Variants in TTLL8 observed in about 807,000 individuals in gnomAD.
The protein encoded by TTLL8 is tubulin tyrosine ligase like 8.
A neutral mutation model predicts 77.8 loss-of-function variants in TTLL8; 65 were observed. The ratio of observed to expected loss-of-function variants is 0.84; its 90% CI spans 0.68 to 1.03. The LOEUF (loss-of-function observed/expected upper bound fraction) is 1.03, where lower values mean the gene tolerates loss of function less well. Among genes scored for constraint, TTLL8 ranks in the 50% least tolerant of loss-of-function variants. TTLL8 has a pLI of 0.00. For missense variants in TTLL8, 910 were observed against 1,004.5 expected (o/e 0.91, Z 1.27); for synonymous variants, 402 against 422.8 (o/e 0.95, Z 0.60).
rs538727439 is a variant in TTLL8 at position 50,029,480 on chromosome 22, G to A, written c.2203+950C>T. Among the ~76,000 whole-genome samples, 185 of 150,476 alleles carry A rather than the reference G, an allele frequency of 1.2e-3. 1 individual carries two copies. The highest frequency in any genetic ancestry group is 6.5e-3 in the South Asian group (30 of 4,598). On this transcript the variant is annotated intron_variant, in intron 12 of 13. Transcript: ENST00000266182. ...CCTATTGCCGGGCGCGGTGGCTCAC[G>A]CCTGTAATCCCAGCACCTTGGGAGG...
chr22:50,027,359 C>G (rs1601906923), intron 12 of TTLL8, among the ~76,000 whole-genome samples: 1 of 151,542 alleles, frequency 6.6e-6, no homozygotes, highest in Non-Finnish European at 1.5e-5. Flanking sequence ...CATGGTGAAA[C>G]TCTGTCTCTA....
intron 12 of TTLL8, among the ~76,000 whole-genome samples, chr22:50,023,553 T>C (rs1207009028): frequency 2.0e-5 from 3 of 151,860 alleles, no homozygotes; most frequent in South Asian, 2.1e-4. Flanking sequence ...GGCGTGGTAG[T>C]GTGCGCCTGT....
chr22:50,055,128 CGGGG>C, upstream of TTLL8: 2 of 1,198,192 alleles, frequency 1.7e-6, no homozygotes, highest in Non-Finnish European at 2.1e-6. Context: ...GGCTGCAGCT[CGGGG>C]GCACAGTGCG....
exon 11 of TTLL8, chr22:50,032,025 C>T (rs1023291713): frequency 7.3e-7 from 1 of 1,366,530 alleles, no homozygotes; most frequent in Non-Finnish European, 9.8e-7. Context: ...TGCTGGTCCA[C>T]ATGTTGTGTG....
exon 2 of TTLL8, chr22:50,050,121 C>T (rs924502633): frequency 5.9e-6 from 8 of 1,366,886 alleles, no homozygotes; most frequent in Middle Eastern, 2.1e-4. Context: ...TTGACCCGGG[C>T]GCCTTCATCC....
At chr22:50,031,859 A>C in exon 11 of TTLL8, 1 of 1,367,330 alleles carries the variant, frequency 7.3e-7, no homozygotes, top group South Asian at 1.1e-5. Flanking sequence ...CCAAGGACGA[A>C]GTCAGCCCCG....
chr22:50,034,381 G>T lies in TTLL8; in HGVS notation c.1003C>A (p.Pro335Thr), dbSNP rs1307401858. The change falls in exon 9 of 14, where the codon CCC (proline) becomes ACC (threonine). Residue 335 changes from proline (P) to threonine (T), a missense_variant. Physicochemically the swap from Pro to Thr is conservative, Grantham distance 38. Coordinates refer to ENST00000266182, the Ensembl canonical transcript of TTLL8. The surrounding 1 kb of genome is among the most constrained non-coding windows in gnomAD (Gnocchi z 4.1). Reference sequence around the variant, plus strand: ...CCTCGGCCCCGGGACTTGGCCGCGGGCTTTATAATCCAGATGTTCCGGAGC... The same window carrying T: ...CCTCGGCCCCGGGACTTGGCCGCGGTCTTTATAATCCAGATGTTCCGGAGC... The T allele has an allele frequency of 7.3e-7, 1 of 1,367,066 alleles. No individual in the cohort carries two copies. Among genetic ancestry groups the T allele is most frequent in the Non-Finnish European group, 9.8e-7 (1 of 1,021,826 alleles). 84.7% of individuals were successfully genotyped at this position (1,367,066 alleles called of 1,614,324 possible). A position where few individuals can be genotyped will look rare whatever the true frequency, so the allele number is the denominator to read the frequency against.
In TTLL8 at chr22:50,041,579, C is replaced by G; in HGVS notation, c.830+42G>C. On this transcript the variant is annotated intron_variant, in intron 7 of 13. Transcript: ENST00000266182. The surrounding 1 kb of genome is among the most constrained non-coding windows in gnomAD (Gnocchi z 4.3). ...GCCCCGGCAGCTCCTGCAATCTGCA[C>G]TCACAGCTCCGACATGTGCCAGGGG... is the stretch of plus-strand genomic sequence containing the variant. 7.7e-7 allele frequency: 1 copy of G among 1,303,872 alleles called. No homozygotes were observed. Among genetic ancestry groups the G allele is most frequent in the Non-Finnish European group, 1.0e-6 (1 of 990,284 alleles). 80.8% of individuals were successfully genotyped at this position (1,303,872 alleles called of 1,614,324 possible).
intron 8 of TTLL8, among the ~76,000 whole-genome samples, chr22:50,035,804 CAGG>C (rs1555956118): frequency 6.6e-6 from 1 of 152,214 alleles, no homozygotes; most frequent in Non-Finnish European, 1.5e-5. Flanking sequence ...GCGACTCCCT[CAGG>C]AGGATGATCT....
At chr22:50,052,225 G>A (rs1275460487) in intron 1 of TTLL8, among the ~76,000 whole-genome samples, 2 of 152,196 alleles carry the variant, frequency 1.3e-5, no homozygotes. Context: ...AGAACGGTGG[G>A]GGAGCTGGAC....
intron 11 of TTLL8, chr22:50,031,484 C>G: frequency 4.2e-6 from 4 of 941,920 alleles, no homozygotes; most frequent in Non-Finnish European, 5.1e-6. Context: ...TCCTCGGTGC[C>G]GACGAGGCAC....
chr22:50,022,262 G>A (rs2061207925), intron 12 of TTLL8, among the ~76,000 whole-genome samples: 1 of 148,516 alleles, frequency 6.7e-6, no homozygotes, highest in African/African-American at 2.5e-5. Context: ...TCCTCCGTCT[G>A]ATGTGCACTC....
At chr22:50,033,360 G>C in exon 10 of TTLL8, 1 of 1,365,386 alleles carries the variant, frequency 7.3e-7, no homozygotes, top group Non-Finnish European at 9.8e-7. Flanking sequence ...TGTACTTCTG[G>C]ACCACCCACT....
Position 50,041,486 on chromosome 22 carries a change from C to G in TTLL8, c.830+135G>C. The G allele has an allele frequency of 8.3e-7, 1 of 1,207,774 alleles. No homozygotes were observed. The highest frequency in any genetic ancestry group is 1.1e-6 in the Non-Finnish European group (1 of 945,394). The allele number at this position is 1,207,774 out of a possible 1,614,324, so 74.8% of individuals were successfully genotyped here. The stretch of plus-strand genomic sequence containing the variant: ...GGAGCCCCAACGCCAGGACAGGCAT[C>G]TCAACACTCAATACCCCACAGGTAG... On this transcript the variant is annotated intron_variant, in intron 7 of 13. Transcript: ENST00000266182. This position sits in a 1 kb window ranked among gnomAD's most constrained non-coding sequence, Gnocchi z 4.3.
At chr22:50,054,985 G>A (rs1343430839), upstream of TTLL8, among the ~76,000 whole-genome samples, 4 of 152,074 alleles carry the variant, frequency 2.6e-5, no homozygotes, top group Admixed American at 1.3e-4. Context: ...GCTTGAACCC[G>A]GGAGGCAGAG....
chr22:50,027,614 T>C (rs986309011), intron 12 of TTLL8: 1 of 985,170 alleles, frequency 1.0e-6, no homozygotes, highest in African/African-American at 1.7e-5. Context: ...CCCAGCAGTT[T>C]GCTGTTCTTA....
chr22:50,032,134 G>A, intron 10 of TTLL8, 25 bp from the exon 12 acceptor site: 1 of 1,335,374 alleles, frequency 7.5e-7, no homozygotes, highest in Non-Finnish European at 9.9e-7. Context: ...AGGGGCAGGT[G>A]CTCAGCCTCC....
intron 6 of TTLL8, among the ~76,000 whole-genome samples, chr22:50,042,366 G>C (rs1355315157): frequency 6.6e-6 from 1 of 151,906 alleles, no homozygotes; most frequent in Non-Finnish European, 1.5e-5. Flanking sequence ...GCCCAGGCTG[G>C]ATGGCAAGAT....
chr22:50,029,639 G>C (rs2061271128), intron 12 of TTLL8, among the ~76,000 whole-genome samples: 1 of 152,154 alleles, frequency 6.6e-6, no homozygotes, highest in African/African-American at 2.4e-5. Flanking sequence ...GCTGAGGCAG[G>C]AGAATGGCGC....
Sources: gnomAD v4.1 joint callset for allele counts (sites outside exome capture counted in the v4.1 genomes callset) on GRCh38, gnomAD v4.1.1 for gene constraint, Gnocchi (gnomAD v3.1) non-coding constraint, MANE v1.5 for transcripts, NCBI Gene and HGNC (gene_info 2026-07-23, HGNC 2026-07-21) for gene names.